Variants in ZEB1 observed in about 807,000 individuals in gnomAD.
ZEB1 encodes the protein zinc finger E-box binding homeobox 1, also known as zinc finger E-box-binding homeobox 1.
Under a neutral mutation model 84.9 loss-of-function variants are expected in ZEB1, and 21 were observed. The observed-to-expected ratio is 0.25, with a 90% CI of 0.18 to 0.36. The LOEUF (loss-of-function observed/expected upper bound fraction) is 0.36, where lower values mean the gene tolerates loss of function less well. Ranked by LOEUF, ZEB1 falls within the 10% of genes least tolerant of loss-of-function variation. The probability of loss-of-function intolerance (pLI) is 1.00; values close to 1 mark genes in which losing one functional copy is unlikely to be tolerated. For synonymous variants in ZEB1, 420 were observed against 471.1 expected, an observed-to-expected ratio of 0.89 and a Z score of 1.41; for missense variants, 1,104 against 1,330.2, an observed-to-expected ratio of 0.83 and a Z score of 2.65.
rs916789163 is a variant in ZEB1, at chr10:31,444,289, G to A, written c.59-16748G>A. Reference sequence around the variant, plus strand: ...GTTTTTTTCTTGTAAATTTGTTTGAGTTCATTGTAGATTCTGGATATTAGC... The same window carrying A: ...GTTTTTTTCTTGTAAATTTGTTTGAATTCATTGTAGATTCTGGATATTAGC... On this transcript the variant is annotated intron_variant, in intron 1 of 8. Transcript: ENST00000424869. 5.4e-5 allele frequency among the ~76,000 whole-genome samples: 7 copies of A among 129,164 alleles called. No homozygotes were observed. In the Admixed American group the frequency reaches 5.6e-4, roughly 10 times the overall value. 84.7% of individuals were successfully genotyped at this position (129,164 alleles called of 152,430 possible).
intron 1 of ZEB1, chr10:31,362,684 GGA>G (rs933613817): frequency 6.9e-6 from 3 of 437,246 alleles, no homozygotes; most frequent in Non-Finnish European, 1.3e-5. Flanking sequence ...CCCAGATGGT[GGA>G]GCAGCAGGGC....
intron 2 of ZEB1, among the ~76,000 whole-genome samples, chr10:31,485,724 T>A (rs1318728852): frequency 2.6e-5 from 4 of 151,822 alleles, no homozygotes; most frequent in Non-Finnish European, 5.9e-5. Context: ...AATATTTTTT[T>A]AATTAACATA....
intron 4 of ZEB1, among the ~76,000 whole-genome samples, chr10:31,508,053 T>C (rs924113312): frequency 5.9e-5 from 9 of 152,136 alleles, no homozygotes; most frequent in Non-Finnish European, 1.3e-4. Flanking sequence ...TCTTTCGTTA[T>C]AAATAGTGTG....
intron 1 of ZEB1, 72 bp downstream of exon 1, chr10:31,319,364 A>AG (rs2033042991): frequency 6.8e-7 from 1 of 1,460,304 alleles, no homozygotes. Flanking sequence ...CCCGGGGGTG[A>AG]GGGGGGCGAG....
In ZEB1 at chr10:31,521,762, C is replaced by T; in HGVS notation, c.2430C>T (p.Ala810=). ...ATATCGCTATACCTACAGTCACTGC[C>T]CAGTTACCCACAATCGTGGCCATTG... ...PINIAIPTVT[A]QLPTIVAIAD... is the part of the protein sequence containing the mutation. Residue 810 remains alanine, a synonymous_variant, in exon 7 of 9, where the codon GCC becomes GCT. Coordinates refer to ENST00000424869, the MANE Select transcript of ZEB1 (RefSeq NM_001174096.2). The T allele has an allele frequency of 1.2e-6, 2 of 1,614,042 alleles. No individual in the cohort carries two copies. The highest frequency in any genetic ancestry group is 1.3e-5 in the African/African-American group (1 of 74,998).
chr10:31,381,695 CTCTG>C (rs2047664910), intron 1 of ZEB1: 1 of 152,060 alleles, frequency 6.6e-6, no homozygotes, highest in Non-Finnish European at 1.5e-5. Context: ...GAAGAGACTT[CTCTG>C]TCTGTTGGAG....
At chr10:31,514,380 A>G (rs1035301001) in intron 5 of ZEB1, among the ~76,000 whole-genome samples, 4 of 152,122 alleles carry the variant, frequency 2.6e-5, no homozygotes, top group African/African-American at 7.2e-5. Flanking sequence ...CCCCACTATC[A>G]CTATCCTTTT....
chr10:31,368,042 T>C (rs1007764625), intron 1 of ZEB1, among the ~76,000 whole-genome samples: 3 of 152,076 alleles, frequency 2.0e-5, no homozygotes, highest in African/African-American at 7.2e-5. Flanking sequence ...ATATGTATAG[T>C]CATTCTTCAG....
chr10:31,414,970 GACTC>G (rs1202511480), intron 1 of ZEB1, among the ~76,000 whole-genome samples: 2 of 152,134 alleles, frequency 1.3e-5, no homozygotes, highest in Admixed American at 6.6e-5. Flanking sequence ...GAAGGGATCA[GACTC>G]ACTCACAGAA....
intron 2 of ZEB1, among the ~76,000 whole-genome samples, chr10:31,494,799 G>A (rs1177606408): frequency 6.6e-6 from 1 of 151,684 alleles, no homozygotes; most frequent in Non-Finnish European, 1.5e-5. Flanking sequence ...CTTTTTGCTT[G>A]TCCAAAAAGT....
intron 1 of ZEB1, among the ~76,000 whole-genome samples, chr10:31,337,685 T>TG (rs2038447882): frequency 1.6e-5 from 2 of 128,254 alleles, no homozygotes; most frequent in African/African-American, 3.8e-5. Flanking sequence ...TTCTTTCTGT[T>TG]TTTTTTTTTT....
In ZEB1 at chr10:31,457,934, T is replaced by C. The variant is rs562096357; in HGVS notation, c.59-3103T>C. Among the ~76,000 whole-genome samples the C allele has an allele frequency of 8.5e-5, 13 of 152,250 alleles. No individual in the cohort carries two copies. In the South Asian group the frequency reaches 2.5e-3, roughly 29 times the overall value. ...CCTACAGCTAACAAAATTGATAATA[T>C]AATGCTAGGCTGCAATATTGCATCA... On this transcript the variant is annotated intron_variant, in intron 1 of 8. Transcript: ENST00000424869.
At chr10:31,361,227 T>C in intron 1 of ZEB1, 1 of 1,610,236 alleles carries the variant, frequency 6.2e-7, no homozygotes, top group Admixed American at 1.7e-5. Context: ...GCAGTCTTGC[T>C]CTGTCACCAG....
At chr10:31,321,349 C>A in intron 1 of ZEB1, 1 of 1,480,274 alleles carries the variant, frequency 6.8e-7, no homozygotes, top group Non-Finnish European at 9.0e-7. Context: ...TAAACACTTG[C>A]ATTTTAAAGA....
chr10:31,320,909 C>G (rs558749177), intron 1 of ZEB1, among the ~76,000 whole-genome samples: 1 of 152,164 alleles, frequency 6.6e-6, no homozygotes, highest in Admixed American at 6.5e-5. Context: ...TGGGCGGCAA[C>G]GGCCCTGCCG....
chr10:31,338,513 G>A (rs1427248016), intron 1 of ZEB1, among the ~76,000 whole-genome samples: 2 of 152,112 alleles, frequency 1.3e-5, no homozygotes, highest in African/African-American at 2.4e-5. Context: ...ATCTCTAAGA[G>A]GAGTATGTCA....
chr10:31,438,594 T>C (rs983161843), intron 1 of ZEB1, among the ~76,000 whole-genome samples: 1 of 152,124 alleles, frequency 6.6e-6, no homozygotes, highest in African/African-American at 2.4e-5. Context: ...CCTAACACTT[T>C]GGAAGGCCAA....
chr10:31,436,182 A>G (rs1454117474), intron 1 of ZEB1, among the ~76,000 whole-genome samples: 2 of 152,204 alleles, frequency 1.3e-5, no homozygotes, highest in African/African-American at 4.8e-5. Flanking sequence ...ATGGAGAGCC[A>G]TCTGAAATTT....
At chr10:31,371,720 G>T (rs2045746077) in intron 1 of ZEB1, among the ~76,000 whole-genome samples, 1 of 152,040 alleles carries the variant, frequency 6.6e-6, no homozygotes. Flanking sequence ...AAAGAACTTT[G>T]TTAGTCTCTG....
Sources: allele counts gnomAD v4.1 joint callset (sites outside exome capture counted in the v4.1 genomes callset), GRCh38; gene constraint gnomAD v4.1.1; transcripts MANE v1.5; gene names NCBI Gene and HGNC (gene_info 2026-07-23, HGNC 2026-07-21).